RGL1: variants seen among roughly 807,000 people sequenced by gnomAD.
The protein encoded by RGL1 is ral guanine nucleotide dissociation stimulator like 1, also known as ral guanine nucleotide dissociation stimulator-like 1.
In RGL1, 24 loss-of-function variants were observed where a neutral mutation model predicts 95.2. That is an observed-to-expected ratio of 0.25 (90% confidence interval 0.18 to 0.35). The LOEUF (loss-of-function observed/expected upper bound fraction) is 0.35. Among genes scored for constraint, RGL1 ranks in the 10% least tolerant of loss-of-function variants. RGL1 has a pLI of 1.00. For synonymous variants in RGL1, 329 were observed against 344.9 expected, an observed-to-expected ratio of 0.95 and a Z score of 0.51; for missense variants, 715 against 936.3, an observed-to-expected ratio of 0.76 and a Z score of 3.08.
In RGL1 at chr1:183,743,465, G is replaced by A. The variant is rs55808239; in HGVS notation, c.132+1176G>A. 3.7e-3 allele frequency among the ~76,000 whole-genome samples: 558 copies of A among 152,316 alleles called. 4 individuals are homozygous for A. The highest frequency in any genetic ancestry group is 0.013 in the African/African-American group (536 of 41,566). ...CCAGAAAGACCAGCAGCTGTTTTCT[G>A]AGAGGCTTACCTGGGTGATATTCAT... On this transcript the variant is annotated intron_variant, in intron 2 of 18. Coordinates refer to the RGL1 transcript ENST00000304685.
chr1:183,755,476 G>A (rs10911430), intron 2 of RGL1, among the ~76,000 whole-genome samples: 67,484 of 151,376 alleles, frequency 0.45, 16,008 homozygotes, highest in East Asian at 0.8. Flanking sequence ...TTTATTAAAG[G>A]GTTAAGTATG....
At chr1:183,758,953 T>C (rs1265364102) in intron 2 of RGL1, among the ~76,000 whole-genome samples, 2 of 152,216 alleles carry the variant, frequency 1.3e-5, no homozygotes, top group African/African-American at 4.8e-5. Flanking sequence ...AAGCTATTAA[T>C]TGGGGTCTAA....
chr1:183,729,184 A>ATGTGTG (rs61621950), intron 1 of RGL1, among the ~76,000 whole-genome samples: 63 of 150,494 alleles, frequency 4.2e-4, no homozygotes, highest in African/African-American at 1.1e-3. Context: ...TAAAATATAT[A>ATGTGTG]TGTGTGTGTG....
intron 2 of RGL1, among the ~76,000 whole-genome samples, chr1:183,743,947 TA>T (rs1657466097): frequency 6.6e-6 from 1 of 152,314 alleles, no homozygotes; most frequent in Admixed American, 6.5e-5. Context: ...GGCTTGGAAA[TA>T]AGACAGGAAC....
chr1:183,718,883 A>G (rs1655807766), intron 1 of RGL1, among the ~76,000 whole-genome samples: 1 of 152,194 alleles, frequency 6.6e-6, no homozygotes, highest in Non-Finnish European at 1.5e-5. Context: ...ACTTCACTCC[A>G]GCCTGGGCAA....
chr1:183,636,172 T>G (rs1367215358), exon 1 of RGL1: 1 of 399,206 alleles, frequency 2.5e-6, no homozygotes, highest in Non-Finnish European at 4.4e-6. Context: ...GTCAACGACC[T>G]ATCATCGGGG....
chr1:183,754,121 G>C (rs987995381), intron 2 of RGL1, among the ~76,000 whole-genome samples: 2 of 152,046 alleles, frequency 1.3e-5, no homozygotes, highest in African/African-American at 4.8e-5. Flanking sequence ...GCGTGCTTGT[G>C]GTAGTAAATT....
chr1:183,720,324 C>G (rs1037123393), intron 1 of RGL1, among the ~76,000 whole-genome samples: 7 of 152,312 alleles, frequency 4.6e-5, no homozygotes, highest in African/African-American at 1.4e-4. Context: ...ACAGAACGGC[C>G]AATCCTTTGC....
chr1:183,639,231 A>AGATC (rs577204994), intron 1 of RGL1, among the ~76,000 whole-genome samples: 25 of 151,320 alleles, frequency 1.7e-4, no homozygotes, highest in Non-Finnish European at 3.2e-4. Context: ...CAGTGAGCTG[A>AGATC]GATCGTGCCA....
At chr1:183,810,224 A>G (rs1466543687) in intron 2 of RGL1, among the ~76,000 whole-genome samples, 1 of 152,226 alleles carries the variant, frequency 6.6e-6, no homozygotes, top group Non-Finnish European at 1.5e-5. Context: ...TTGTCTTCAG[A>G]ATATGACAGA....
In RGL1 at chr1:183,724,005, A is replaced by G. The variant is rs970738933; in HGVS notation, c.-32-18121A>G. On this transcript the variant is annotated intron_variant, in intron 1 of 18. Transcript: ENST00000304685. This position sits in a 1 kb window ranked among gnomAD's most constrained non-coding sequence, Gnocchi z 4.1. The stretch of plus-strand genomic sequence containing the variant: ...GATAGGGCATTAGGCAGAGTTATGA[A>G]GCCCCTATCCCAGGCCCTAGCTCCC... Among the ~76,000 whole-genome samples the G allele has an allele frequency of 1.8e-4, 27 of 152,086 alleles. No homozygotes were observed. Among genetic ancestry groups the G allele is most frequent in the Admixed American group, 3.9e-4 (6 of 15,262 alleles).
rs558775961 is a variant in RGL1, at chr1:183,742,754, A to G, written c.132+465A>G. ...AGAGAAAGAGAGAGAGGGGACGGGG[A>G]GAGAGAGAGAGAGAGATGCTATTAT... On this transcript the variant is annotated intron_variant, in intron 2 of 18. Transcript: ENST00000304685. 2.7e-4 allele frequency among the ~76,000 whole-genome samples: 40 copies of G among 150,172 alleles called. 1 individual carries two copies. The highest frequency in any genetic ancestry group is 2.5e-3 in the East Asian group (13 of 5,128).
At chr1:183,686,079 A>T (rs1474302790) in intron 1 of RGL1, among the ~76,000 whole-genome samples, 1 of 152,194 alleles carries the variant, frequency 6.6e-6, no homozygotes, top group Non-Finnish European at 1.5e-5. Flanking sequence ...CTCACACTGG[A>T]TCATCTTGAA....
chr1:183,910,568 A>G (rs1558289137), intron 14 of RGL1, among the ~76,000 whole-genome samples: 1 of 152,066 alleles, frequency 6.6e-6, no homozygotes, highest in Non-Finnish European at 1.5e-5. Flanking sequence ...CATCCTCTCC[A>G]TGTCTTCTGG....
rs1261878711 is a variant in RGL1 at position 183,848,256 on chromosome 1, G to A, written c.347+482G>A. 2.6e-5 allele frequency among the ~76,000 whole-genome samples: 4 copies of A among 152,124 alleles called. No homozygotes were observed. The East Asian group carries it at 7.7e-4, about 29-fold the overall frequency. Reference sequence around the variant, plus strand: ...TAACTATTAACAGTCAGCATGTATTGACTGTTTTAAGGATCTGCACATAAA... The same window carrying A: ...TAACTATTAACAGTCAGCATGTATTAACTGTTTTAAGGATCTGCACATAAA... On this transcript the variant is annotated intron_variant, in intron 3 of 17. Coordinates refer to ENST00000360851, the MANE Select transcript of RGL1 (RefSeq NM_001297671.3).
At chr1:183,863,223 G>A (rs992934689) in intron 3 of RGL1, among the ~76,000 whole-genome samples, 3 of 152,202 alleles carry the variant, frequency 2.0e-5, no homozygotes, top group Non-Finnish European at 4.4e-5. Flanking sequence ...GATCATTCAG[G>A]GCCTTGTGAG....
intron 3 of RGL1, among the ~76,000 whole-genome samples, chr1:183,860,406 C>T (rs540697023): frequency 1.3e-5 from 2 of 152,316 alleles, no homozygotes; most frequent in East Asian, 3.9e-4. Flanking sequence ...CACAGCCTAC[C>T]TACCAGGCCC....
At chr1:183,767,597 G>A (rs6666992) in intron 2 of RGL1, among the ~76,000 whole-genome samples, 105,609 of 152,050 alleles carry the variant, frequency 0.69, 37,040 homozygotes, top group East Asian at 0.91. Context: ...AAACAAATCA[G>A]TGCAAGCATT....
chr1:183,806,561 A>G (rs1572436071), intron 2 of RGL1, 76 bp downstream of exon 2: 1 of 1,021,966 alleles, frequency 9.8e-7, no homozygotes, highest in East Asian at 2.4e-5. Flanking sequence ...ATTATTTAAC[A>G]GAGGCAGGCT....
Sources: gnomAD v4.1 joint callset for allele counts (sites outside exome capture counted in the v4.1 genomes callset) on GRCh38, gnomAD v4.1.1 for gene constraint, Gnocchi (gnomAD v3.1) non-coding constraint, MANE v1.5 for transcripts, NCBI Gene and HGNC (gene_info 2026-07-23, HGNC 2026-07-21) for gene names.